The following C16orf96 variants were observed in gnomAD, a reference collection of about 807,000 sequenced individuals.
The protein encoded by C16orf96 is chromosome 16 open reading frame 96.
Under a neutral mutation model 103.6 loss-of-function variants are expected in C16orf96, and 108 were observed. The ratio of observed to expected loss-of-function variants is 1.04; its 90% CI spans 0.89 to 1.22. The LOEUF is 1.22. Ranked by LOEUF, C16orf96 falls within the 50% of genes most tolerant of loss-of-function variation. C16orf96 has a pLI of 0.00. For missense variants in C16orf96, 1,586 were observed against 1,464.2 expected, an observed-to-expected ratio of 1.08 and a Z score of -1.36; for synonymous variants, 566 against 593.5, an observed-to-expected ratio of 0.95 and a Z score of 0.67.
At chr16:4,579,125 C>G in intron 6 of C16orf96, 100 bp downstream of exon 6, 1 of 1,095,660 alleles carries the variant, frequency 9.1e-7, no homozygotes, top group Non-Finnish European at 1.3e-6. Flanking sequence ...CAGCTGTGTT[C>G]TGCAGCAAAA....
chr16:4,544,501 A>G, the C16orf96 span, among the ~76,000 whole-genome samples: 1 of 152,152 alleles, frequency 6.6e-6, no homozygotes, highest in Non-Finnish European at 1.5e-5. Context: ...CAGCTACTCC[A>G]GAGACTGAGG....
At chr16:4,564,014 A>G (rs955954890) in intron 1 of C16orf96, among the ~76,000 whole-genome samples, 1 of 150,800 alleles carries the variant, frequency 6.6e-6, no homozygotes, top group East Asian at 2.0e-4. Flanking sequence ...CCTGGCCAAC[A>G]TGGTGAAATC....
intron 11 of C16orf96, 135 bp downstream of exon 11, chr16:4,592,502 C>A (rs1180954752): frequency 3.9e-6 from 4 of 1,025,890 alleles, no homozygotes; most frequent in Non-Finnish European, 5.8e-6. Context: ...TCTCTCCAGC[C>A]ATCAAGTCCA....
intron 1 of C16orf96, among the ~76,000 whole-genome samples, chr16:4,558,667 C>T (rs1371266874): frequency 6.6e-6 from 1 of 151,860 alleles, no homozygotes; most frequent in African/African-American, 2.4e-5. Flanking sequence ...GTAATCCCAG[C>T]ATTTCGGGAG....
rs1274500310 is a variant in C16orf96, at chr16:4,594,509, G to A, written c.3026G>A (p.Ser1009Asn). Residue 1009 changes from serine to asparagine, a missense_variant and splice_region_variant, in exon 13 of 16, where the codon AGC becomes AAC. Transcript: ENST00000444310. ...YGDPHVIDYD[S>N]AEVDILGVDG... Reference sequence around the variant, plus strand: ...GATCCCCACGTGATCGACTATGACAGCGTGAGTCTGGCCGGGGCCTCCTTC... The same window carrying A: ...GATCCCCACGTGATCGACTATGACAACGTGAGTCTGGCCGGGGCCTCCTTC... 2 of 1,550,472 alleles carry A rather than the reference G, an allele frequency of 1.3e-6. No individual in the cohort carries two copies. Among genetic ancestry groups the A allele is most frequent in the African/African-American group, 2.7e-5 (2 of 73,174 alleles).
At chr16:4,543,411 G>A in the C16orf96 span, among the ~76,000 whole-genome samples, 6 of 152,140 alleles carry the variant, frequency 3.9e-5, no homozygotes, top group African/African-American at 1.4e-4. Flanking sequence ...GTATCCTATT[G>A]GGTAGGTAGT....
Position 4,588,330 on chromosome 16 carries a change from A to G in C16orf96, c.2591A>G (p.Lys864Arg), listed in dbSNP as rs1352055693. 4 of 1,548,234 alleles carry G rather than the reference A, an allele frequency of 2.6e-6. No individual in the cohort carries two copies. Among genetic ancestry groups the G allele is most frequent in the Non-Finnish European group, 3.5e-6 (4 of 1,144,292 alleles). ...MEELSKDVNT[K>R]LVHSDLDPLK... is the part of the protein sequence containing the mutation. ...GAGCTCAGCAAGGACGTGAACACCA[A>G]GGTGAATGCCCCCATGTTGATTTTC... Residue 864 changes from lysine (K) to arginine (R), a missense_variant and splice_region_variant, in exon 9 of 16, where the codon AAG (lysine) becomes AGG (arginine). Transcript: ENST00000444310.
the C16orf96 span, among the ~76,000 whole-genome samples, chr16:4,544,204 G>T: frequency 6.6e-6 from 1 of 152,190 alleles, no homozygotes; most frequent in Non-Finnish European, 1.5e-5. Context: ...GATCTCTGGA[G>T]CCCACTGAGT....
At chr16:4,546,316 G>A in the C16orf96 span, among the ~76,000 whole-genome samples, 1 of 151,738 alleles carries the variant, frequency 6.6e-6, no homozygotes, top group Non-Finnish European at 1.5e-5. Flanking sequence ...CCGCTACCGC[G>A]CCCAGCTAAT....
chr16:4,556,817 G>T lies in C16orf96; in HGVS notation c.328G>T (p.Ala110Ser). The change falls in exon 1 of 16, where the codon GCC becomes TCC. Residue 110 changes from alanine (A) to serine (S), a missense_variant. Physicochemically the swap from Ala to Ser is moderately conservative, Grantham distance 99. Transcript: ENST00000444310. ...DLPSTAQLLE[A>S]SQGTARPVQD... ...GCCCTCCACTGCCCAGCTGCTGGAA[G>T]CCAGCCAGGGCACTGCCCGGCCCGT... 6.4e-7 allele frequency: 1 copy of T among 1,551,612 alleles called. No homozygotes were observed. The highest frequency in any genetic ancestry group is 2.4e-5 in the East Asian group (1 of 40,916).
rs1322260100 is a variant in C16orf96 at position 4,581,079 on chromosome 16, G to A, written c.2352+954G>A. Among the ~76,000 whole-genome samples, 8 of 146,726 alleles carry A rather than the reference G, an allele frequency of 5.5e-5. No homozygotes were observed. The South Asian group carries it at 8.7e-4, about 16-fold the overall frequency. On this transcript the variant is annotated intron_variant, in intron 7 of 15. Transcript: ENST00000444310. ...GCAGTGGTTGCGGTGAGCCCCGATC[G>A]TGCCATTGCACTCCAGCTTGGGTAA...
intron 1 of C16orf96, among the ~76,000 whole-genome samples, chr16:4,566,984 T>C (rs796496045): frequency 5.3e-5 from 8 of 152,210 alleles, no homozygotes; most frequent in African/African-American, 1.7e-4. Context: ...TGTACTATTT[T>C]TTTATCCTCT....
chr16:4,576,511 A>C lies in C16orf96; in HGVS notation c.2031A>C (p.Glu677Asp). Residue 677 changes from glutamate (E) to aspartate (D), a missense_variant, in exon 5 of 16, where the codon GAA (glutamate) becomes GAC (aspartate). By Grantham distance (45) the Glu-to-Asp change is conservative. Transcript: ENST00000444310. ...CTACCAAGCAGGCCATGAGCCCTGAAGACAAGAAGAGGGCTGTCAAGTATT... is the reference window on the plus strand; with the variant it reads ...CTACCAAGCAGGCCATGAGCCCTGACGACAAGAAGAGGGCTGTCAAGTATT... ...MVATKQAMSP[E>D]DKKRAVKYSM... 2 of 1,551,562 alleles carry C rather than the reference A, an allele frequency of 1.3e-6. No individual in the cohort carries two copies. Among genetic ancestry groups the C allele is most frequent in the Non-Finnish European group, 8.7e-7 (1 of 1,147,012 alleles).
chr16:4,566,220 C>T (rs952185901), intron 1 of C16orf96, among the ~76,000 whole-genome samples: 2 of 152,146 alleles, frequency 1.3e-5, no homozygotes, highest in Admixed American at 6.6e-5. Context: ...AATCAGAGAT[C>T]ATCTGGTATC....
chr16:4,600,109 C>G lies in C16orf96; in HGVS notation c.3218C>G (p.Pro1073Arg). 1 of 1,551,514 alleles carries G rather than the reference C, an allele frequency of 6.4e-7. No individual in the cohort carries two copies. Among genetic ancestry groups the G allele is most frequent in the Non-Finnish European group, 8.7e-7 (1 of 1,147,120 alleles). ...LFGAICPPLC[P>R]RSSACSAASG... Reference sequence around the variant, plus strand: ...TCCTGCCCCTCCCCAGCCCTGTGCCCCCGCTCCAGTGCCTGCTCAGCTGCC... The same window carrying G: ...TCCTGCCCCTCCCCAGCCCTGTGCCGCCGCTCCAGTGCCTGCTCAGCTGCC... The change falls in exon 16 of 16, where the codon CCC becomes CGC. Residue 1073 changes from proline to arginine, a missense_variant. Pro to Arg is a moderately radical substitution (Grantham distance 103). Transcript: ENST00000444310.
intron 14 of C16orf96, among the ~76,000 whole-genome samples, chr16:4,595,250 G>A (rs1897146679): frequency 6.6e-6 from 1 of 152,120 alleles, no homozygotes; most frequent in South Asian, 2.1e-4. Context: ...AAGGCCCTGT[G>A]GTGGGTGGAA....
chr16:4,595,364 G>A (rs1897148675), intron 14 of C16orf96, among the ~76,000 whole-genome samples: 1 of 152,210 alleles, frequency 6.6e-6, no homozygotes, highest in Non-Finnish European at 1.5e-5. Flanking sequence ...GACCCCAGAA[G>A]CTGTGTGTTA....
chr16:4,594,778 C>T lies in C16orf96; in HGVS notation c.3102C>T (p.Pro1034=). The T allele has an allele frequency of 6.4e-7, 1 of 1,550,730 alleles. No individual in the cohort carries two copies. Among genetic ancestry groups the T allele is most frequent in the Non-Finnish European group, 8.7e-7 (1 of 1,146,894 alleles). The change falls in exon 14 of 16, where the codon CCC becomes CCT. Residue 1034 remains proline, a synonymous_variant. Coordinates refer to ENST00000444310, the MANE Select transcript of C16orf96 (RefSeq NM_001145011.2). Reference sequence around the variant, plus strand: ...TGAACAGCCAGCGTGGGGCTCAGCCCTTGGCCGTCGCAAAGGAGCTGGCAG... The same window carrying T: ...TGAACAGCCAGCGTGGGGCTCAGCCTTTGGCCGTCGCAAAGGAGCTGGCAG... ...GRVNSQRGAQ[P]LAVAKELAAV... is the part of the protein sequence containing the mutation.
At chr16:4,548,293 T>C in the C16orf96 span, among the ~76,000 whole-genome samples, 1 of 152,144 alleles carries the variant, frequency 6.6e-6, no homozygotes, top group Admixed American at 6.5e-5. Context: ...CTGGGCAACG[T>C]TCACTTTCTG....
Sources: allele counts gnomAD v4.1 joint callset (sites outside exome capture counted in the v4.1 genomes callset), GRCh38; gene constraint gnomAD v4.1.1; transcripts MANE v1.5; gene names NCBI Gene and HGNC (gene_info 2026-07-23, HGNC 2026-07-21).